PRKCQ: variants seen among roughly 807,000 people sequenced by gnomAD.
The protein encoded by PRKCQ is protein kinase C theta type.
In PRKCQ, 41 loss-of-function variants were observed where a neutral mutation model predicts 91.2. The ratio of observed to expected loss-of-function variants is 0.45; its 90% CI spans 0.35 to 0.58. The LOEUF is 0.58. Ranked by LOEUF, PRKCQ falls within the 20% of genes least tolerant of loss-of-function variation. The probability of loss-of-function intolerance (pLI) is 0.00; values close to 1 mark genes in which losing one functional copy is unlikely to be tolerated. For synonymous variants in PRKCQ, 307 were observed against 316.9 expected, an observed-to-expected ratio of 0.97 and a Z score of 0.33; for missense variants, 673 against 896.5, an observed-to-expected ratio of 0.75 and a Z score of 3.18.
intron 1 of PRKCQ, among the ~76,000 whole-genome samples, chr10:6,521,922 G>GTTATGTTAT (rs748814617): frequency 1.4e-3 from 87 of 63,262 alleles, no homozygotes; most frequent in African/African-American, 3.7e-3. Flanking sequence ...GTTATGTTAT[G>GTTATGTTAT]TTATTTATTT....
chr10:6,492,906 C>T (rs577880752), intron 7 of PRKCQ, among the ~76,000 whole-genome samples: 26 of 152,228 alleles, frequency 1.7e-4, no homozygotes, highest in African/African-American at 5.8e-4. Flanking sequence ...CTAACGTTCC[C>T]GCCAGGGGTA....
chr10:6,507,290 A>T, intron 4 of PRKCQ, 146 bp downstream of exon 4: 1 of 736,752 alleles, frequency 1.4e-6, no homozygotes, highest in Non-Finnish European at 2.3e-6. Flanking sequence ...GTCATGCCTG[A>T]GCACCTCTGA....
At chr10:6,455,516 T>C (rs908404257) in intron 15 of PRKCQ, among the ~76,000 whole-genome samples, 1 of 152,188 alleles carries the variant, frequency 6.6e-6, no homozygotes, top group African/African-American at 2.4e-5. Flanking sequence ...TGCTGAATAA[T>C]TTTACCCAGG....
chr10:6,454,492 G>A (rs1254425964), intron 15 of PRKCQ, among the ~76,000 whole-genome samples: 2 of 152,140 alleles, frequency 1.3e-5, no homozygotes, highest in Admixed American at 6.5e-5. Flanking sequence ...GGACATGAGA[G>A]GGTCCAATTA....
At chr10:6,493,127 T>C (rs1199067924) in intron 7 of PRKCQ, among the ~76,000 whole-genome samples, 1 of 152,198 alleles carries the variant, frequency 6.6e-6, no homozygotes, top group South Asian at 2.1e-4. Context: ...CAAGACACCA[T>C]GGCTGATGAA....
At chr10:6,516,670 TG>T (rs1345007683) in intron 1 of PRKCQ, among the ~76,000 whole-genome samples, 1 of 152,182 alleles carries the variant, frequency 6.6e-6, no homozygotes, top group Non-Finnish European at 1.5e-5. Flanking sequence ...TGGGACTTTC[TG>T]AAGATTTCCT....
rs752576675 is a variant in PRKCQ at position 6,430,769 on chromosome 10, G to A, written c.1965+41C>T. The A allele has an allele frequency of 2.5e-6, 4 of 1,603,414 alleles. No homozygotes were observed. The highest frequency in any genetic ancestry group is 3.4e-6 in the Non-Finnish European group (4 of 1,174,020). On this transcript the variant is annotated intron_variant, in intron 17 of 17. Transcript: ENST00000263125. The surrounding 1 kb of genome is among the most constrained non-coding windows in gnomAD (Gnocchi z 4.7). The stretch of plus-strand genomic sequence containing the variant: ...ACAGGCAGACGGCCCTGAGCGGAGG[G>A]AGAGTGGCTGACACCAAGCGGCCCA...
At chr10:6,401,731 GTC>G in the PRKCQ span, among the ~76,000 whole-genome samples, 1 of 152,118 alleles carries the variant, frequency 6.6e-6, no homozygotes, top group African/African-American at 2.4e-5. Context: ...TTGACCCGCC[GTC>G]TCTTTCTCTG....
chr10:6,404,575 CTTTCTT>C, the PRKCQ span, among the ~76,000 whole-genome samples: 1 of 84,970 alleles, frequency 1.2e-5, no homozygotes, highest in African/African-American at 3.7e-5. Flanking sequence ...CCTTCTTTCT[CTTTCTT>C]TCTTTCTTTT....
chr10:6,447,371 C>T (rs1834368527), intron 15 of PRKCQ, among the ~76,000 whole-genome samples: 1 of 148,642 alleles, frequency 6.7e-6, no homozygotes, highest in Admixed American at 6.8e-5. Flanking sequence ...TGTGCCACTG[C>T]ACTCCAGCCT....
chr10:6,435,211 G>A (rs1342843637), intron 16 of PRKCQ, among the ~76,000 whole-genome samples: 2 of 152,240 alleles, frequency 1.3e-5, no homozygotes, highest in Non-Finnish European at 2.9e-5. Context: ...TTCAGTGCAC[G>A]ACATGCATCC....
intron 4 of PRKCQ, among the ~76,000 whole-genome samples, chr10:6,499,718 A>G (rs879631000): frequency 6.6e-6 from 1 of 152,240 alleles, no homozygotes; most frequent in Non-Finnish European, 1.5e-5. Context: ...ATATTTCACA[A>G]TGAGTTAATA....
chr10:6,485,658 A>G (rs774316290), intron 9 of PRKCQ, among the ~76,000 whole-genome samples: 2 of 152,170 alleles, frequency 1.3e-5, no homozygotes, highest in Non-Finnish European at 2.9e-5. Flanking sequence ...AGCAGGCCAA[A>G]TTTGCCCTGG....
the PRKCQ span, among the ~76,000 whole-genome samples, chr10:6,404,605 TTCTC>T: frequency 4.0e-4 from 58 of 144,894 alleles, no homozygotes; most frequent in Admixed American, 4.2e-4. Flanking sequence ...CTCTCTCTCT[TTCTC>T]TCTTTCTTTC....
In PRKCQ at chr10:6,467,385, C is replaced by CAGAGAG. The variant is rs1564324292; in HGVS notation, c.1354-2982_1354-2981insCTCTCT. The stretch of plus-strand genomic sequence containing the variant: ...AGAGAGAGAGAGAGACAGAGAGAGA[C>CAGAGAG]AGACAGAGAGAGAGAGAGAGAGAGA... On this transcript the variant is annotated intron_variant, in intron 12 of 17. Transcript: ENST00000263125. Among the ~76,000 whole-genome samples the CAGAGAG allele has an allele frequency of 3.5e-4, 14 of 39,498 alleles. 1 individual carries two copies. The highest frequency in any genetic ancestry group is 0.017 in the Middle Eastern group (1 of 60). 25.9% of individuals were successfully genotyped at this position (39,498 alleles called of 152,430 possible). A position where few individuals can be genotyped will look rare whatever the true frequency, so the allele number is the denominator to read the frequency against.
At chr10:6,552,460 CTTTTT>C (rs59752400) in intron 1 of PRKCQ, among the ~76,000 whole-genome samples, 1 of 137,292 alleles carries the variant, frequency 7.3e-6, no homozygotes. Flanking sequence ...ACCTGTTAGT[CTTTTT>C]TTTTTTTTTT....
intron 16 of PRKCQ, among the ~76,000 whole-genome samples, chr10:6,439,090 C>A (rs983236347): frequency 1.1e-4 from 17 of 152,256 alleles, no homozygotes; most frequent in Non-Finnish European, 2.2e-4. Flanking sequence ...AAAAGGCCAA[C>A]TCTGAGTCTG....
intron 15 of PRKCQ, among the ~76,000 whole-genome samples, chr10:6,443,203 G>A (rs1361793716): frequency 1.3e-5 from 2 of 152,150 alleles, no homozygotes; most frequent in Non-Finnish European, 2.9e-5. Flanking sequence ...GAGGGCACGC[G>A]CCATTCTGCT....
chr10:6,471,630 A>G (rs183951034), intron 12 of PRKCQ, among the ~76,000 whole-genome samples: 2 of 152,276 alleles, frequency 1.3e-5, no homozygotes, highest in Non-Finnish European at 2.9e-5. Context: ...CACGCTTGTA[A>G]TTCCAGCTAC....
Sources: allele counts gnomAD v4.1 joint callset (sites outside exome capture counted in the v4.1 genomes callset), GRCh38; gene constraint gnomAD v4.1.1; non-coding constraint Gnocchi (gnomAD v3.1); transcripts MANE v1.5; gene names NCBI Gene and HGNC (gene_info 2026-07-23, HGNC 2026-07-21).